The following NPAS2 variants were observed in gnomAD, a reference collection of about 807,000 sequenced individuals.
NPAS2 encodes neuronal PAS domain-containing protein 2.
In NPAS2, 23 loss-of-function variants were observed where a neutral mutation model predicts 107.5. The ratio of observed to expected loss-of-function variants is 0.21; its 90% CI spans 0.15 to 0.30. The LOEUF (loss-of-function observed/expected upper bound fraction) is 0.30, where lower values mean the gene tolerates loss of function less well. NPAS2 is among the 10% of genes least tolerant of loss of function. The pLI is 1.00. For synonymous variants in NPAS2, 403 were observed against 417.5 expected, an observed-to-expected ratio of 0.97 and a Z score of 0.42; for missense variants, 756 against 1,043.3, an observed-to-expected ratio of 0.72 and a Z score of 3.79.
At chr2:100,877,834 T>C in intron 1 of NPAS2, 2 of 438,984 alleles carry the variant, frequency 4.6e-6, no homozygotes, top group Non-Finnish European at 6.0e-6. Flanking sequence ...AGCCGGTGCA[T>C]CCTTTTTATT....
At chr2:100,904,081 G>A (rs76058242) in intron 1 of NPAS2, among the ~76,000 whole-genome samples, 4 of 152,110 alleles carry the variant, frequency 2.6e-5, no homozygotes, top group African/African-American at 7.2e-5. Context: ...GAGGAACTGC[G>A]GATTACACTC....
chr2:100,877,257 G>A (rs890123635), intron 1 of NPAS2, among the ~76,000 whole-genome samples: 1 of 152,106 alleles, frequency 6.6e-6, no homozygotes, highest in African/African-American at 2.4e-5. Context: ...GAGGTCAGGA[G>A]ATCAAGACCA....
At chr2:100,978,607 G>A (rs576870786) in intron 15 of NPAS2, among the ~76,000 whole-genome samples, 6 of 152,174 alleles carry the variant, frequency 3.9e-5, no homozygotes, top group Non-Finnish European at 8.8e-5. Context: ...AACAACATTC[G>A]GTGAGTTACT....
intron 1 of NPAS2, among the ~76,000 whole-genome samples, chr2:100,854,503 G>A (rs1157554114): frequency 6.6e-6 from 1 of 152,168 alleles, no homozygotes; most frequent in Non-Finnish European, 1.5e-5. Context: ...GAGAGACCTA[G>A]ACTCTACCCC....
chr2:100,940,913 G>C (rs1398088744), intron 5 of NPAS2, among the ~76,000 whole-genome samples: 1 of 152,184 alleles, frequency 6.6e-6, no homozygotes, highest in Non-Finnish European at 1.5e-5. Context: ...TTGAGGTGGA[G>C]GTCGGGACAC....
At chr2:100,840,009 A>T (rs1677295072) in intron 1 of NPAS2, among the ~76,000 whole-genome samples, 1 of 152,168 alleles carries the variant, frequency 6.6e-6, no homozygotes, top group Admixed American at 6.5e-5. Context: ...TCTCATCTAT[A>T]TTCAGGGAAT....
intron 3 of NPAS2, among the ~76,000 whole-genome samples, chr2:100,930,860 T>C (rs752414322): frequency 1.3e-5 from 2 of 152,236 alleles, no homozygotes; most frequent in Non-Finnish European, 2.9e-5. Context: ...ATAAAGACTC[T>C]TCTGCTAGAA....
chr2:100,941,569 AAAT>A (rs1252028152), intron 5 of NPAS2, among the ~76,000 whole-genome samples: 2 of 152,158 alleles, frequency 1.3e-5, no homozygotes, highest in East Asian at 1.9e-4. Context: ...CTCAAAAAAA[AAAT>A]AACAATAATA....
chr2:100,842,081 G>GTGCGCGCGCGCACACACACACA (rs1553441796), intron 1 of NPAS2, among the ~76,000 whole-genome samples: 1 of 148,798 alleles, frequency 6.7e-6, no homozygotes, highest in African/African-American at 2.5e-5. Context: ...GCATGTACGC[G>GTGCGCGCGCGCACACACACACA]CACACACACA....
At chr2:100,882,427 G>C (rs547293143) in intron 1 of NPAS2, among the ~76,000 whole-genome samples, 1 of 149,736 alleles carries the variant, frequency 6.7e-6, no homozygotes, top group African/African-American at 2.5e-5. Context: ...GGCTAACACA[G>C]TGAAACCCCA....
At chr2:100,895,631 C>T (rs1263037629) in intron 1 of NPAS2, among the ~76,000 whole-genome samples, 1 of 152,172 alleles carries the variant, frequency 6.6e-6, no homozygotes, top group East Asian at 1.9e-4. Flanking sequence ...CCTCCACACT[C>T]AGTGCTCCAC....
intron 1 of NPAS2, among the ~76,000 whole-genome samples, chr2:100,894,535 G>A (rs1244841016): frequency 2.0e-5 from 3 of 152,132 alleles, no homozygotes; most frequent in African/African-American, 4.8e-5. Context: ...AGTCAGAGCC[G>A]CGGGCACACA....
chr2:100,975,537 C>A lies in NPAS2; in HGVS notation c.1362C>A (p.Val454=), dbSNP rs1204913288. 3 of 1,611,616 alleles carry A rather than the reference C, an allele frequency of 1.9e-6. No individual in the cohort carries two copies. Among genetic ancestry groups the A allele is most frequent in the African/African-American group, 2.7e-5 (2 of 74,818 alleles). Residue 454 remains valine (V), a synonymous_variant, in exon 14 of 21, where the codon GTC becomes GTA. Transcript: ENST00000335681. ...CCACCCTGCCCCAAGAGTTACCTGTCCCCGGGCTCAGCCAGGCAGCCACCA... is the reference window on the plus strand; with the variant it reads ...CCACCCTGCCCCAAGAGTTACCTGTACCCGGGCTCAGCCAGGCAGCCACCA... ...RSATLPQELP[V]PGLSQAATMP... is the part of the protein sequence containing the mutation.
rs1213340363 is a variant in NPAS2, at chr2:100,850,026, AAAAAAAAAAAAGC to A, written c.-23+29615_-23+29627del. ...ACTCTTTTTGTAAAAAAAAAAAAAA[AAAAAAAAAAAAGC>A]AAGAGAAAATAGAAAAAAAAATTTG... On this transcript the variant is annotated intron_variant, in intron 1 of 20. Coordinates refer to ENST00000335681, the MANE Select transcript of NPAS2 (RefSeq NM_002518.4). Among the ~76,000 whole-genome samples, 131 of 134,178 alleles carry A rather than the reference AAAAAAAAAAAAGC, an allele frequency of 9.8e-4. 1 individual carries two copies. The highest frequency in any genetic ancestry group is 3.9e-3 in the African/African-American group (131 of 33,352). The allele number at this position is 134,178 out of a possible 152,430, so 88.0% of individuals were successfully genotyped here. A position where few individuals can be genotyped will look rare whatever the true frequency, so the allele number is the denominator to read the frequency against.
chr2:100,987,765 C>A, intron 16 of NPAS2: 1 of 338,212 alleles, frequency 3.0e-6, no homozygotes, highest in Non-Finnish European at 5.5e-6. Context: ...CCAACCTCGA[C>A]TCTAAACAAG....
intron 3 of NPAS2, among the ~76,000 whole-genome samples, chr2:100,927,568 T>C (rs560178759): frequency 1.1e-4 from 16 of 152,368 alleles, no homozygotes; most frequent in Middle Eastern, 3.4e-3. Flanking sequence ...TCTAACCCCA[T>C]AGGTTGCTTT....
chr2:100,904,743 A>C lies in NPAS2; in HGVS notation c.-12A>C, dbSNP rs940815728. 4 of 1,590,694 alleles carry C rather than the reference A, an allele frequency of 2.5e-6. No individual in the cohort carries two copies. Among genetic ancestry groups the C allele is most frequent in the South Asian group, 1.1e-5 (1 of 88,120 alleles). On this transcript the variant is annotated 5_prime_UTR_variant, in exon 2 of 21. Transcript: ENST00000335681. The stretch of plus-strand genomic sequence containing the variant: ...TTTTTTTTTTTGCAGGAAAAACTGC[A>C]TAGAAAATCTAATGGATGAAGATGA...
At chr2:100,922,764 C>T (rs1486364911) in intron 2 of NPAS2, among the ~76,000 whole-genome samples, 1 of 152,194 alleles carries the variant, frequency 6.6e-6, no homozygotes, top group African/African-American at 2.4e-5. Flanking sequence ...CTGACAGCGA[C>T]CAGTTTCCAG....
chr2:100,915,167 C>G (rs1682798588), intron 2 of NPAS2, among the ~76,000 whole-genome samples: 1 of 151,510 alleles, frequency 6.6e-6, no homozygotes, highest in African/African-American at 2.4e-5. Flanking sequence ...CCATCAGAAT[C>G]CACATGAAAC....
Sources: allele counts gnomAD v4.1 joint callset (sites outside exome capture counted in the v4.1 genomes callset), GRCh38; gene constraint gnomAD v4.1.1; transcripts MANE v1.5; gene names NCBI Gene and HGNC (gene_info 2026-07-23, HGNC 2026-07-21).